Variants in EREG observed in about 807,000 individuals in gnomAD.
EREG encodes the protein epiregulin, also known as proepiregulin.
EREG carries 23 observed loss-of-function variants against 22.4 expected under a neutral mutation model. The observed-to-expected ratio is 1.03, with a 90% CI of 0.74 to 1.46. The LOEUF (loss-of-function observed/expected upper bound fraction) is 1.46, where lower values mean the gene tolerates loss of function less well. EREG is among the 40% of genes most tolerant of loss of function. EREG has a pLI of 0.00. For synonymous variants in EREG, 100 were observed against 75.4 expected (o/e 1.33, Z -1.69); for missense variants, 226 against 205.9 (o/e 1.10, Z -0.60).
rs752696754 is a variant in EREG, at chr4:74,365,322, G to A, written c.14G>A (p.Arg5Lys). 2.5e-6 allele frequency: 4 copies of A among 1,606,656 alleles called. No individual in the cohort carries two copies. In the South Asian group the frequency reaches 3.3e-5, roughly 13 times the overall value. Reference protein sequence around the residue: MTAGRRMEMLCAGRV... With the variant: MTAGKRMEMLCAGRV... ...CTCCCATCGCCGATGACCGCGGGGA[G>A]GAGGATGGAGATGCTCTGTGCCGGC... is the stretch of plus-strand genomic sequence containing the variant. Residue 5 changes from arginine (R) to lysine (K), a missense_variant, in exon 1 of 5, where the codon AGG (arginine) becomes AAG (lysine). Arg to Lys is a conservative substitution (Grantham distance 26). Coordinates refer to ENST00000244869, the MANE Select transcript of EREG (RefSeq NM_001432.3).
chr4:74,388,595 T>C lies in EREG; in HGVS notation c.*3787T>C, dbSNP rs1002865154. On this transcript the variant is annotated 3_prime_UTR_variant, in exon 5 of 5. Coordinates refer to ENST00000244869, the MANE Select transcript of EREG (RefSeq NM_001432.3). ...CGGATTACTGAATTGTATCAATTTGTTTGTGTTCAATATCAGCTTTGATAA... is the reference window on the plus strand; with the variant it reads ...CGGATTACTGAATTGTATCAATTTGCTTGTGTTCAATATCAGCTTTGATAA... 1.3e-5 allele frequency: 2 copies of C among 152,616 alleles called. No homozygotes were observed. Among genetic ancestry groups the C allele is most frequent in the South Asian group, 2.1e-4 (1 of 4,834 alleles). 9.5% of individuals were successfully genotyped at this position (152,616 alleles called of 1,614,324 possible). A position where few individuals can be genotyped will look rare whatever the true frequency, so the allele number is the denominator to read the frequency against.
At chr4:74,371,469 T>C (rs1578817283) in intron 1 of EREG, among the ~76,000 whole-genome samples, 1 of 152,202 alleles carries the variant, frequency 6.6e-6, no homozygotes, top group African/African-American at 2.4e-5. Flanking sequence ...ACAACTCTAC[T>C]CTCTTAGCTC....
intron 1 of EREG, among the ~76,000 whole-genome samples, chr4:74,371,869 T>TTC (rs1169807635): frequency 4.1e-4 from 62 of 152,024 alleles, no homozygotes; most frequent in African/African-American, 1.4e-3. Context: ...TTTTTTTTTT[T>TTC]CTGACTAGAA....
intron 4 of EREG, among the ~76,000 whole-genome samples, chr4:74,383,673 C>T (rs947420727): frequency 2.0e-5 from 3 of 152,032 alleles, no homozygotes; most frequent in African/African-American, 4.8e-5. Flanking sequence ...GGTGAATTTA[C>T]GTTTTTATTT....
intron 1 of EREG, among the ~76,000 whole-genome samples, chr4:74,376,594 G>A (rs1194326993): frequency 2.0e-5 from 3 of 152,160 alleles, no homozygotes; most frequent in Non-Finnish European, 2.9e-5. Flanking sequence ...CTAGGCTTTA[G>A]CTATTTCTTT....
intron 1 of EREG, among the ~76,000 whole-genome samples, chr4:74,374,647 A>G (rs1752348331): frequency 6.6e-6 from 1 of 152,216 alleles, no homozygotes; most frequent in Non-Finnish European, 1.5e-5. Context: ...ACCACTTCTT[A>G]GTGCTCCAGG....
At chr4:74,366,381 C>A (rs764570161) in intron 1 of EREG, among the ~76,000 whole-genome samples, 19 of 152,140 alleles carry the variant, frequency 1.2e-4, no homozygotes, top group Non-Finnish European at 2.5e-4. Flanking sequence ...CACACCTTAT[C>A]TCAGGGGTTG....
intron 1 of EREG, 98 bp downstream of exon 1, chr4:74,365,473 A>G: frequency 1.2e-6 from 1 of 829,508 alleles, no homozygotes; most frequent in Non-Finnish European, 1.7e-6. Context: ...AGTTGTCTCC[A>G]GGTTCAAGTG....
At chr4:74,377,178 T>C (rs1215019878) in intron 1 of EREG, among the ~76,000 whole-genome samples, 2 of 148,888 alleles carry the variant, frequency 1.3e-5, no homozygotes, top group Non-Finnish European at 3.0e-5. Context: ...AAAAAAAACA[T>C]TAGTTTATTT....
Position 74,380,897 on chromosome 4 carries a change from G to A in EREG, c.155-117G>A. ...CTTCCTACTTCTCAAAATTCTCCTT[G>A]ACAGATTGGCATCTGACTTGTTGTG... On this transcript the variant is annotated intron_variant, in intron 2 of 4. Transcript: ENST00000244869. The A allele has an allele frequency of 2.7e-6, 3 of 1,093,136 alleles. 1 individual carries two copies. The allele number at this position is 1,093,136 out of a possible 1,614,324, so 67.7% of individuals were successfully genotyped here.
intron 2 of EREG, 136 bp from the exon 3 acceptor site, chr4:74,380,878 A>G: frequency 1.2e-6 from 1 of 849,736 alleles, no homozygotes; most frequent in Non-Finnish European, 1.8e-6. Flanking sequence ...GTGACTTCCT[A>G]CTTCTCAAAA....
chr4:74,384,628 G>T (rs532005417), intron 4 of EREG, 99 bp from the exon 5 acceptor site: 32 of 552,474 alleles, frequency 5.8e-5, no homozygotes, highest in Admixed American at 1.1e-4. Flanking sequence ...TGTCATTTTG[G>T]AAACACTATG....
intron 1 of EREG, among the ~76,000 whole-genome samples, chr4:74,366,669 A>C (rs777609686): frequency 2.0e-4 from 31 of 152,208 alleles, no homozygotes; most frequent in Non-Finnish European, 4.4e-4. Flanking sequence ...AACAATGCAC[A>C]TGTCTGTTCT....
In EREG at chr4:74,382,710, G is replaced by GC; in HGVS notation, c.345dup (p.Lys116GlnfsTer35). The GC allele has an allele frequency of 6.2e-7, 1 of 1,613,642 alleles. No homozygotes were observed. The highest frequency in any genetic ancestry group is 1.1e-5 in the South Asian group (1 of 91,060). On this transcript the variant is annotated frameshift_variant, in exon 4 of 5. Transcript: ENST00000244869. LOFTEE classifies it high-confidence loss of function. ...TTTTTAACCGTCCACCAACCTTTAA[G>GC]CAAAGAATATGTGGCTTTGACCGTG...
At chr4:74,379,694 T>A (rs951531427) in intron 2 of EREG, among the ~76,000 whole-genome samples, 160 bp downstream of exon 2, 2 of 152,064 alleles carry the variant, frequency 1.3e-5, no homozygotes, top group African/African-American at 2.4e-5. Context: ...TCTGAAAAAA[T>A]TATATAAAGG....
At position 74,365,184 on chromosome 4, in the gene EREG, C is replaced by A. The variant is rs1752150123; in HGVS notation, c.-125C>A. 2 of 704,050 alleles carry A rather than the reference C, an allele frequency of 2.8e-6. No individual in the cohort carries two copies. The highest frequency in any genetic ancestry group is 5.0e-6 in the Non-Finnish European group (2 of 403,536). 43.6% of individuals were successfully genotyped at this position (704,050 alleles called of 1,614,324 possible). A position where few individuals can be genotyped will look rare whatever the true frequency, so the allele number is the denominator to read the frequency against. ...TCCAGTGTCAGAGGGACACAGCCAA[C>A]GTGGGGTCCCTTCTAGGCTGACAGC... On this transcript the variant is annotated 5_prime_UTR_variant, in exon 1 of 5. Coordinates refer to ENST00000244869, the MANE Select transcript of EREG (RefSeq NM_001432.3).
intron 1 of EREG, among the ~76,000 whole-genome samples, chr4:74,377,841 C>T (rs1560598566): frequency 6.6e-6 from 1 of 152,084 alleles, no homozygotes; most frequent in Admixed American, 6.5e-5. Flanking sequence ...ATGCAGGAAA[C>T]TACCCGCATT....
intron 1 of EREG, among the ~76,000 whole-genome samples, chr4:74,370,377 A>G (rs1321931215): frequency 6.6e-6 from 1 of 152,180 alleles, no homozygotes; most frequent in African/African-American, 2.4e-5. Context: ...TTGATACTTT[A>G]TTTGGAGTTA....
intron 1 of EREG, among the ~76,000 whole-genome samples, chr4:74,371,767 G>A (rs541195179): frequency 6.6e-6 from 1 of 151,744 alleles, no homozygotes; most frequent in African/African-American, 2.4e-5. Flanking sequence ...ACTCAAATAT[G>A]TTCACTCCCT....
Sources: allele counts gnomAD v4.1 joint callset (sites outside exome capture counted in the v4.1 genomes callset), GRCh38; gene constraint gnomAD v4.1.1; transcripts MANE v1.5; gene names NCBI Gene and HGNC (gene_info 2026-07-23, HGNC 2026-07-21).